PDE1A: variants seen among roughly 807,000 people sequenced by gnomAD.
The protein encoded by PDE1A is dual specificity calcium/calmodulin-dependent 3',5'-cyclic nucleotide phosphodiesterase 1A.
Under a neutral mutation model 61.7 loss-of-function variants are expected in PDE1A, and 35 were observed. The ratio of observed to expected loss-of-function variants is 0.57; its 90% CI spans 0.43 to 0.75. PDE1A has a LOEUF of 0.75. Ranked by LOEUF, PDE1A falls within the 30% of genes least tolerant of loss-of-function variation. The pLI, the probability that PDE1A is intolerant of heterozygous loss-of-function variation, is 0.00. For missense variants in PDE1A, 597 were observed against 630.6 expected, an observed-to-expected ratio of 0.95 and a Z score of 0.57; for synonymous variants, 232 against 213.2, an observed-to-expected ratio of 1.09 and a Z score of -0.77.
At chr2:182,385,604 C>T (rs1486735449) in intron 1 of PDE1A, among the ~76,000 whole-genome samples, 1 of 83,670 alleles carries the variant, frequency 1.2e-5, no homozygotes, top group African/African-American at 5.7e-5. Flanking sequence ...AAGAAAAATG[C>T]TTAGATGAAA....
exon 13 of PDE1A, chr2:182,186,062 C>T (rs1200270257): frequency 6.2e-7 from 1 of 1,613,688 alleles, no homozygotes; most frequent in Non-Finnish European, 8.5e-7. Context: ...AATGTGTAAC[C>T]CCACAATGGT....
chr2:182,339,953 A>G (rs983693024), intron 1 of PDE1A, among the ~76,000 whole-genome samples: 3 of 152,200 alleles, frequency 2.0e-5, no homozygotes, highest in African/African-American at 7.2e-5. Context: ...ATCCTACTTT[A>G]TTCTAGAGAT....
intron 1 of PDE1A, among the ~76,000 whole-genome samples, chr2:182,269,050 A>T (rs367582143): frequency 1.3e-5 from 2 of 152,284 alleles, no homozygotes; most frequent in East Asian, 3.9e-4. Context: ...GTAGACAAAA[A>T]TGTTGATTGT....
At chr2:182,145,756 A>G (rs1276012539), downstream of PDE1A, among the ~76,000 whole-genome samples, 1 of 152,110 alleles carries the variant, frequency 6.6e-6, no homozygotes. Context: ...AAATGCAAAA[A>G]GGTACTTCAT....
chr2:182,221,731 A>G (rs1164671274), intron 7 of PDE1A, among the ~76,000 whole-genome samples: 1 of 152,002 alleles, frequency 6.6e-6, no homozygotes, highest in Non-Finnish European at 1.5e-5. Flanking sequence ...GCTTGGAATT[A>G]TCATGTGTCC....
At chr2:182,320,278 G>A (rs997519540) in intron 1 of PDE1A, among the ~76,000 whole-genome samples, 1 of 152,104 alleles carries the variant, frequency 6.6e-6, no homozygotes, top group Non-Finnish European at 1.5e-5. Flanking sequence ...TTTGAGTGGA[G>A]GATAATTACC....
rs112433191 is a variant in PDE1A, at chr2:182,271,321, C to T, written c.54-6907G>A. ...AACATATACAACAAAAATAGTATGG[C>T]AAACAGTATTACTCTTAAAAATGTG... On this transcript the variant is annotated intron_variant, in intron 1 of 13. Transcript: ENST00000351439. Among the ~76,000 whole-genome samples, 216 of 151,744 alleles carry T rather than the reference C, an allele frequency of 1.4e-3. 1 individual carries two copies. The highest frequency in any genetic ancestry group is 5.0e-3 in the African/African-American group (208 of 41,412).
At chr2:182,213,481 G>A (rs1300068173) in intron 7 of PDE1A, among the ~76,000 whole-genome samples, 2 of 79,232 alleles carry the variant, frequency 2.5e-5, no homozygotes, top group African/African-American at 9.6e-5. Context: ...GCTACGGGAG[G>A]ACATTCAAAC....
At chr2:182,241,764 AT>A in intron 2 of PDE1A, 1 of 1,312,206 alleles carries the variant, frequency 7.6e-7, no homozygotes, top group Non-Finnish European at 1.0e-6. Flanking sequence ...ACGATAAAAA[AT>A]ATTTAGAGTT....
chr2:182,669,826 A>G, the PDE1A span, among the ~76,000 whole-genome samples: 1 of 152,198 alleles, frequency 6.6e-6, no homozygotes, highest in Admixed American at 6.5e-5. Flanking sequence ...CATATGGCAG[A>G]CGCACCTGCG....
chr2:182,164,905 C>T (rs988797573), downstream of PDE1A, among the ~76,000 whole-genome samples: 2 of 152,050 alleles, frequency 1.3e-5, no homozygotes, highest in African/African-American at 4.8e-5. Context: ...ATGACTTATT[C>T]ACTGCCATCC....
At chr2:182,680,116 T>G in the PDE1A span, among the ~76,000 whole-genome samples, 1 of 152,250 alleles carries the variant, frequency 6.6e-6, no homozygotes, top group Admixed American at 6.5e-5. Context: ...TCTGCTAAAG[T>G]GGCAAATAAC....
exon 10 of PDE1A, chr2:182,201,452 T>C: frequency 6.2e-7 from 1 of 1,613,714 alleles, no homozygotes; most frequent in East Asian, 2.2e-5. Context: ...CAGGAAAAAC[T>C]CCTCCATTAG....
chr2:182,402,241 A>G (rs1187516902), intron 1 of PDE1A, among the ~76,000 whole-genome samples: 1 of 152,190 alleles, frequency 6.6e-6, no homozygotes, highest in Non-Finnish European at 1.5e-5. Flanking sequence ...AAAAGAAAAA[A>G]GCTGGAGGCA....
the PDE1A span, among the ~76,000 whole-genome samples, chr2:182,697,221 T>C: frequency 6.6e-6 from 1 of 152,124 alleles, no homozygotes; most frequent in Non-Finnish European, 1.5e-5. Flanking sequence ...GCAGGAGCAC[T>C]CAACGGCACA....
the PDE1A span, among the ~76,000 whole-genome samples, chr2:182,627,255 T>TAA: frequency 2.8e-4 from 22 of 79,638 alleles, 5 homozygotes; most frequent in Admixed American, 4.4e-4. Flanking sequence ...ATAAATAATA[T>TAA]ATTATTTATA....
intron 2 of PDE1A, among the ~76,000 whole-genome samples, chr2:182,448,732 A>G (rs1018266281): frequency 2.0e-5 from 3 of 152,110 alleles, no homozygotes; most frequent in Admixed American, 6.6e-5. Flanking sequence ...AGTTTGATGG[A>G]TAAAATCTAA....
the PDE1A span, among the ~76,000 whole-genome samples, chr2:182,633,842 G>A: frequency 2.6e-5 from 4 of 152,100 alleles, no homozygotes; most frequent in Admixed American, 2.6e-4. Flanking sequence ...CCAGCACTTT[G>A]GGAGGCCAAG....
At chr2:182,658,066 AAAAAAAC>A in the PDE1A span, among the ~76,000 whole-genome samples, 4 of 106,364 alleles carry the variant, frequency 3.8e-5, no homozygotes, top group African/African-American at 1.4e-4. Context: ...AAAAAAAAAA[AAAAAAAC>A]AAAAAAACTT....
Sources: gnomAD v4.1 joint callset for allele counts (sites outside exome capture counted in the v4.1 genomes callset) on GRCh38, gnomAD v4.1.1 for gene constraint, MANE v1.5 for transcripts, NCBI Gene and HGNC (gene_info 2026-07-23, HGNC 2026-07-21) for gene names.